Variants in FAM222B observed in about 807,000 individuals in gnomAD.
The protein encoded by FAM222B is protein FAM222B.
FAM222B carries 12 observed loss-of-function variants against 38.0 expected under a neutral mutation model. The observed-to-expected ratio is 0.32, with a 90% CI of 0.20 to 0.51. The LOEUF (loss-of-function observed/expected upper bound fraction) is 0.51, where lower values mean the gene tolerates loss of function less well. FAM222B is among the 20% of genes least tolerant of loss of function. The probability of loss-of-function intolerance (pLI) is 0.97; values close to 1 mark genes in which losing one functional copy is unlikely to be tolerated. For synonymous variants in FAM222B, 329 were observed against 317.2 expected, an observed-to-expected ratio of 1.04 and a Z score of -0.40; for missense variants, 716 against 754.2, an observed-to-expected ratio of 0.95 and a Z score of 0.59.
chr17:28,766,473 AG>A (rs377245816), intron 2 of FAM222B, 112 bp downstream of exon 2: 45 of 784,652 alleles, frequency 5.7e-5, no homozygotes, highest in South Asian at 2.7e-4. Flanking sequence ...AAAAAAAAAA[AG>A]AAAGGTGTCA....
intron 1 of FAM222B, among the ~76,000 whole-genome samples, chr17:28,779,278 C>T (rs1033004728): frequency 6.6e-6 from 1 of 151,992 alleles, no homozygotes; most frequent in African/African-American, 2.4e-5. Flanking sequence ...TGCAAAAATC[C>T]TCAACAAAAT....
intron 1 of FAM222B, among the ~76,000 whole-genome samples, chr17:28,800,669 T>C (rs1345827521): frequency 1.3e-5 from 2 of 152,108 alleles, no homozygotes; most frequent in East Asian, 1.9e-4. Context: ...AAAGGTTCTT[T>C]TTGTCTCTCT....
upstream of FAM222B, among the ~76,000 whole-genome samples, chr17:28,844,370 T>A (rs554527343): frequency 9.9e-5 from 15 of 152,158 alleles, no homozygotes; most frequent in East Asian, 2.7e-3. Context: ...GTTAAAAAAA[T>A]TTAAATAGGC....
chr17:28,782,280 C>T (rs1309720291), intron 1 of FAM222B, among the ~76,000 whole-genome samples: 1 of 152,118 alleles, frequency 6.6e-6, no homozygotes, highest in Admixed American at 6.6e-5. Context: ...TATGAATGCA[C>T]CACTGCACTC....
chr17:28,799,499 C>T (rs895468007), intron 1 of FAM222B, among the ~76,000 whole-genome samples: 1 of 150,896 alleles, frequency 6.6e-6, no homozygotes, highest in African/African-American at 2.4e-5. Context: ...TTAGTAGAGA[C>T]GGGGTTTCAC....
chr17:28,839,711 CTT>C (rs1214665815), intron 1 of FAM222B, among the ~76,000 whole-genome samples: 2 of 152,132 alleles, frequency 1.3e-5, no homozygotes, highest in African/African-American at 4.8e-5. Flanking sequence ...GTAACAAATG[CTT>C]TATTTTTAAA....
At chr17:28,802,138 A>G (rs2037264162) in intron 1 of FAM222B, among the ~76,000 whole-genome samples, 1 of 150,602 alleles carries the variant, frequency 6.6e-6, no homozygotes, top group African/African-American at 2.5e-5. Flanking sequence ...GCCCAGGTGC[A>G]ATGGTGTGAT....
Position 28,759,116 on chromosome 17 carries a change from G to A in FAM222B, c.843C>T (p.Gly281=), listed in dbSNP as rs1272486996. The change falls in exon 3 of 3, where the codon GGC becomes GGT. Residue 281 remains glycine, a synonymous_variant. Transcript: ENST00000581407. This position sits in a 1 kb window ranked among gnomAD's most constrained non-coding sequence, Gnocchi z 4.8. ...CCTCACACACTGAGGTAGTGCTGAT[G>A]CCTGCCCTCGTCTGGCAAAACTGGT... ...QINQFCQTRA[G]ISTTSVCEGQ... 4 of 1,611,656 alleles carry A rather than the reference G, an allele frequency of 2.5e-6. No homozygotes were observed. Among genetic ancestry groups the A allele is most frequent in the Non-Finnish European group, 3.4e-6 (4 of 1,178,954 alleles).
chr17:28,800,545 G>A (rs1024852433), intron 1 of FAM222B, among the ~76,000 whole-genome samples: 21 of 152,150 alleles, frequency 1.4e-4, no homozygotes. Context: ...TTGGGACACT[G>A]GTTCAGCTTG....
At chr17:28,847,922 AAAAAAG>A (rs1262171135) in intron 1 of FAM222B, among the ~76,000 whole-genome samples, 14 of 151,860 alleles carry the variant, frequency 9.2e-5, no homozygotes, top group Admixed American at 8.5e-4. Flanking sequence ...TCAAAAAAAA[AAAAAAG>A]AAAAGAAAAG....
In FAM222B at chr17:28,779,510, G is replaced by C. The variant is rs373759005; in HGVS notation, c.-40-12803C>G. 1.9e-4 allele frequency among the ~76,000 whole-genome samples: 29 copies of C among 152,218 alleles called. No homozygotes were observed. The East Asian group carries it at 3.3e-3, about 17-fold the overall frequency. On this transcript the variant is annotated intron_variant, in intron 1 of 2. Transcript: ENST00000581407. ...CTCAAGCCTGTAATCCCAGCACTTTGGGAGGCTGAGGCGGGCGGATCATGA... is the reference window on the plus strand; with the variant it reads ...CTCAAGCCTGTAATCCCAGCACTTTCGGAGGCTGAGGCGGGCGGATCATGA...
chr17:28,801,003 C>G (rs1316875541), intron 1 of FAM222B, among the ~76,000 whole-genome samples: 2 of 150,682 alleles, frequency 1.3e-5, no homozygotes, highest in African/African-American at 4.9e-5. Flanking sequence ...ACTAAAAATA[C>G]AAAAATTAGC....
upstream of FAM222B, among the ~76,000 whole-genome samples, chr17:28,847,096 G>A (rs1383315397): frequency 6.6e-6 from 1 of 151,526 alleles, no homozygotes; most frequent in East Asian, 1.9e-4. Flanking sequence ...GGTGGAACAT[G>A]CCTGTGATCC....
At chr17:28,778,335 G>A (rs1205182186) in intron 1 of FAM222B, among the ~76,000 whole-genome samples, 2 of 151,956 alleles carry the variant, frequency 1.3e-5, no homozygotes, top group Non-Finnish European at 2.9e-5. Context: ...TTATGAGTGA[G>A]AACATGCGGT....
intron 1 of FAM222B, among the ~76,000 whole-genome samples, chr17:28,782,686 G>T (rs1017121504): frequency 2.0e-5 from 3 of 152,158 alleles, no homozygotes; most frequent in Non-Finnish European, 4.4e-5. Flanking sequence ...ATCATCAAAT[G>T]CATTACAGCA....
At chr17:28,783,703 G>A (rs1381967855) in intron 1 of FAM222B, among the ~76,000 whole-genome samples, 1 of 152,050 alleles carries the variant, frequency 6.6e-6, no homozygotes, top group Non-Finnish European at 1.5e-5. Flanking sequence ...TAGAGACAGG[G>A]TTTCACCATG....
chr17:28,758,455 C>G lies in FAM222B; in HGVS notation c.1504G>C (p.Gly502Arg), dbSNP rs754161787. The change falls in exon 3 of 3, where the codon GGT (glycine) becomes CGT (arginine). Residue 502 changes from glycine to arginine, a missense_variant. Transcript: ENST00000581407. Reference sequence around the variant, plus strand: ...AAGCTGTTCTGGCTTGCCACTGGACCGCCCCCGGTCCCTGCTCGGTAGTGG... The same window carrying G: ...AAGCTGTTCTGGCTTGCCACTGGACGGCCCCCGGTCCCTGCTCGGTAGTGG... Reference protein sequence around the residue: ...GAHYRAGTGGGPVASQNSLMQ... With the variant: ...GAHYRAGTGGRPVASQNSLMQ... 1.9e-6 allele frequency: 3 copies of G among 1,613,588 alleles called. No homozygotes were observed. The highest frequency in any genetic ancestry group is 2.5e-6 in the Non-Finnish European group (3 of 1,179,734).
chr17:28,827,965 T>C (rs2152603649), intron 1 of FAM222B, among the ~76,000 whole-genome samples: 1 of 152,114 alleles, frequency 6.6e-6, no homozygotes, highest in African/African-American at 2.4e-5. Context: ...AAAAAAGGTC[T>C]CATCCAAGAA....
At chr17:28,783,737 CT>C (rs749517494) in intron 1 of FAM222B, among the ~76,000 whole-genome samples, 29 of 146,246 alleles carry the variant, frequency 2.0e-4, no homozygotes, top group Non-Finnish European at 3.2e-4. Flanking sequence ...TCTTGAACTC[CT>C]GGCCTCAAAT....
Sources: gnomAD v4.1 joint callset for allele counts (sites outside exome capture counted in the v4.1 genomes callset) on GRCh38, gnomAD v4.1.1 for gene constraint, Gnocchi (gnomAD v3.1) non-coding constraint, MANE v1.5 for transcripts, NCBI Gene and HGNC (gene_info 2026-07-23, HGNC 2026-07-21) for gene names.